The following DBN1 variants were observed in gnomAD, a reference collection of about 807,000 sequenced individuals.
DBN1 encodes drebrin.
DBN1 carries 21 observed loss-of-function variants against 83.5 expected under a neutral mutation model. That is an observed-to-expected ratio of 0.25 (90% confidence interval 0.18 to 0.36). The LOEUF (loss-of-function observed/expected upper bound fraction) is 0.36, where lower values mean the gene tolerates loss of function less well. DBN1 is among the 10% of genes least tolerant of loss of function. The pLI is 1.00. For missense variants in DBN1, 874 were observed against 935.7 expected (o/e 0.93, Z 0.86); for synonymous variants, 381 against 384.9 (o/e 0.99, Z 0.12).
In DBN1 at chr5:177,467,793, G is replaced by A. The variant is rs1408305123; in HGVS notation, c.280C>T (p.Arg94Cys). 1.3e-6 allele frequency: 2 copies of A among 1,558,232 alleles called. No homozygotes were observed. Among genetic ancestry groups the A allele is most frequent in the Non-Finnish European group, 1.7e-6 (2 of 1,151,234 alleles). ...NWVGEDVPDA[R>C]KCACASHVAK... is the part of the protein sequence containing the mutation. ...ACGTGGCTGGCACAAGCGCACTTGC[G>A]GGCATCAGGCACATCTTCGCCCACC... Residue 94 changes from arginine (R) to cysteine (C), a missense_variant, in exon 4 of 15, where the codon CGC (arginine) becomes TGC (cysteine). Coordinates refer to ENST00000393565, the MANE Select transcript of DBN1 (RefSeq NM_001363541.2). This position sits in a 1 kb window ranked among gnomAD's most constrained non-coding sequence, Gnocchi z 9.1.
intron 8 of DBN1, among the ~76,000 whole-genome samples, chr5:177,464,283 T>C (rs1757252551): frequency 6.7e-6 from 1 of 149,846 alleles, no homozygotes; most frequent in Non-Finnish European, 1.5e-5. Flanking sequence ...CTGTCTCTAC[T>C]AAAAATACAA....
chr5:177,458,754 G>A, intron 12 of DBN1, 47 bp from the exon 13 acceptor site: 2 of 1,433,724 alleles, frequency 1.4e-6, no homozygotes, highest in Non-Finnish European at 9.1e-7. Flanking sequence ...TCCCCTCGGG[G>A]AGGATGGAGA....
In DBN1 at chr5:177,467,050, G is replaced by C; in HGVS notation, c.568C>G (p.Leu190Val). Residue 190 changes from leucine to valine, a missense_variant, in exon 7 of 15, where the codon CTG (leucine) becomes GTG (valine). This residue lies in a region of DBN1 where 725 missense variants were observed against 719.7 expected (regional missense o/e 1.01). Coordinates refer to ENST00000393565, the MANE Select transcript of DBN1 (RefSeq NM_001363541.2). The surrounding 1 kb of genome is among the most constrained non-coding windows in gnomAD (Gnocchi z 9.1). ...FWEQAKKEEE[L>V]RKEEERKKAL... ...TTCTTCCGCTCCTCCTCCTTCCGCA[G>C]CTCTTCTTCCTTCTGCAAGCCCCGG... The C allele has an allele frequency of 3.1e-6, 5 of 1,613,808 alleles. No homozygotes were observed. Among genetic ancestry groups the C allele is most frequent in the Non-Finnish European group, 3.4e-6 (4 of 1,179,936 alleles).
In DBN1 at chr5:177,458,434, T is replaced by C. The variant is rs770171587; in HGVS notation, c.1538A>G (p.Asn513Ser). 2 of 1,614,164 alleles carry C rather than the reference T, an allele frequency of 1.2e-6. No homozygotes were observed. The highest frequency in any genetic ancestry group is 1.7e-6 in the Non-Finnish European group (2 of 1,180,000). Residue 513 changes from asparagine (N) to serine (S), a missense_variant, in exon 13 of 15, where the codon AAC (asparagine) becomes AGC (serine). By Grantham distance (46) the Asn-to-Ser change is conservative. Around this residue, in one of 4 missense-constraint regions of DBN1, gnomAD observed 725 missense variants for 719.7 expected, o/e 1.01. Coordinates refer to ENST00000393565, the MANE Select transcript of DBN1 (RefSeq NM_001363541.2). Reference sequence around the variant, plus strand: ...GAGGCTGGTGGCGGCGGGGGGTACGTTGTTGGCAACAGTGGTGTCAGCAGT... The same window carrying C: ...GAGGCTGGTGGCGGCGGGGGGTACGCTGTTGGCAACAGTGGTGTCAGCAGT... ...TATADTTVAN[N>S]VPPAATSLID...
intron 8 of DBN1, among the ~76,000 whole-genome samples, chr5:177,462,954 C>T (rs1342065799): frequency 2.6e-5 from 4 of 152,192 alleles, no homozygotes; most frequent in African/African-American, 2.4e-5. Context: ...GTCCCACCAG[C>T]CTTTGCTGCT....
In DBN1 at chr5:177,467,047, G is replaced by A. The variant is rs201491084; in HGVS notation, c.571C>T (p.Arg191Trp). The change falls in exon 7 of 15, where the codon CGG becomes TGG. Residue 191 changes from arginine to tryptophan, a missense_variant. By Grantham distance (101) the Arg-to-Trp change is moderately radical. This residue lies in a region of DBN1 where 725 missense variants were observed against 719.7 expected (regional missense o/e 1.01). Coordinates refer to ENST00000393565, the MANE Select transcript of DBN1 (RefSeq NM_001363541.2). The surrounding 1 kb of genome is among the most constrained non-coding windows in gnomAD (Gnocchi z 9.1). ...WEQAKKEEEL[R>W]KEEERKKALD... ...GCCTTCTTCCGCTCCTCCTCCTTCC[G>A]CAGCTCTTCTTCCTTCTGCAAGCCC... is the stretch of plus-strand genomic sequence containing the variant. The A allele has an allele frequency of 6.8e-6, 11 of 1,613,718 alleles. No homozygotes were observed. Among genetic ancestry groups the A allele is most frequent in the African/African-American group, 1.3e-5 (1 of 75,020 alleles).
chr5:177,460,785 T>G, intron 8 of DBN1, 82 bp from the exon 9 acceptor site: 1 of 1,434,736 alleles, frequency 7.0e-7, no homozygotes, highest in African/African-American at 1.4e-5. Context: ...TTTTATTTAT[T>G]GATTTTGTTT....
rs1756506870 is a variant in DBN1 at position 177,456,693 on chromosome 5, A to AC, written c.*739_*740insG. ...CTTTCCAAAAAAAAAAAAAAAAAAA[A>AC]AAAAAAAACAGTTACTAAACGTGAA... On this transcript the variant is annotated 3_prime_UTR_variant, in exon 15 of 15. Transcript: ENST00000393565. 12 of 144,662 alleles carry AC rather than the reference A, an allele frequency of 8.3e-5. No homozygotes were observed. Among genetic ancestry groups the AC allele is most frequent in the African/African-American group, 3.5e-4 (12 of 34,632 alleles). 9.0% of individuals were successfully genotyped at this position (144,662 alleles called of 1,614,324 possible). A position where few individuals can be genotyped will look rare whatever the true frequency, so the allele number is the denominator to read the frequency against.
chr5:177,458,374 G>A lies in DBN1; in HGVS notation c.1598C>T (p.Ser533Phe), dbSNP rs541899859. ...GGCCCTGGGCTCACCCTGGAGTGTG[G>A]AGGCCCCTTCCCCGTTGCCAGGCCA... ...DLWPGNGEGA[S>F]TLQGEPRAPT... Residue 533 changes from serine to phenylalanine, a missense_variant, in exon 13 of 15, where the codon TCC (serine) becomes TTC (phenylalanine). Coordinates refer to ENST00000393565, the MANE Select transcript of DBN1 (RefSeq NM_001363541.2). 1 of 1,614,026 alleles carries A rather than the reference G, an allele frequency of 6.2e-7. No homozygotes were observed. Among genetic ancestry groups the A allele is most frequent in the East Asian group, 2.2e-5 (1 of 44,888 alleles).
chr5:177,457,549 TTG>T (rs749198905), intron 14 of DBN1, 46 bp from the exon 15 acceptor site: 4 of 1,584,770 alleles, frequency 2.5e-6, no homozygotes, highest in Non-Finnish European at 2.6e-6. Flanking sequence ...AGCAGACCGC[TTG>T]TGTCCCCAGC....
intron 10 of DBN1, 113 bp from the exon 11 acceptor site, chr5:177,459,853 G>T: frequency 8.1e-7 from 1 of 1,236,532 alleles, no homozygotes; most frequent in Non-Finnish European, 1.1e-6. Flanking sequence ...TGTCCAAGCT[G>T]CCTTCAGCCA....
Position 177,467,716 on chromosome 5 carries a change from C to G in DBN1, c.330+27G>C, listed in dbSNP as rs1187850865. 1 of 1,552,446 alleles carries G rather than the reference C, an allele frequency of 6.4e-7. No individual in the cohort carries two copies. Among genetic ancestry groups the G allele is most frequent in the South Asian group, 1.2e-5 (1 of 84,290 alleles). On this transcript the variant is annotated intron_variant, in intron 4 of 14. Transcript: ENST00000393565. The surrounding 1 kb of genome is among the most constrained non-coding windows in gnomAD (Gnocchi z 9.1). ...CAGACCCTGGTGGCTGTCCCCACCC[C>G]CAAGAGCGCTGGCCCCTGACACGCA...
At chr5:177,465,242 C>T (rs759600241) in intron 8 of DBN1, among the ~76,000 whole-genome samples, 7 of 152,238 alleles carry the variant, frequency 4.6e-5, no homozygotes, top group Non-Finnish European at 8.8e-5. Context: ...GAATATGATT[C>T]AGCCTTCAAA....
In DBN1 at chr5:177,466,151, G is replaced by A. The variant is rs1757429015; in HGVS notation, c.771+621C>T. On this transcript the variant is annotated intron_variant, in intron 8 of 14. Transcript: ENST00000393565. This position sits in a 1 kb window ranked among gnomAD's most constrained non-coding sequence, Gnocchi z 4.8. ...ATCTGCCCATTACAGTCCCAATCCA[G>A]ATGAGTATCAACCCACCTCCCTTCC... is the stretch of plus-strand genomic sequence containing the variant. Among the ~76,000 whole-genome samples, 1 of 152,148 alleles carries A rather than the reference G, an allele frequency of 6.6e-6. No homozygotes were observed.
Position 177,462,261 on chromosome 5 carries a change from C to T in DBN1, c.772-1558G>A, listed in dbSNP as rs1018461036. On this transcript the variant is annotated intron_variant, in intron 8 of 14. Transcript: ENST00000393565. Reference sequence around the variant, plus strand: ...AGATGTAGACATCAAGTCCTCAGCACGACGCAGTCAGTTCCCAGAACAGGC... The same window carrying T: ...AGATGTAGACATCAAGTCCTCAGCATGACGCAGTCAGTTCCCAGAACAGGC... 2.9e-5 allele frequency: 29 copies of T among 985,294 alleles called. 2 individuals are homozygous for T. The highest frequency in any genetic ancestry group is 2.8e-4 in the South Asian group (6 of 21,294). 61.0% of individuals were successfully genotyped at this position (985,294 alleles called of 1,614,324 possible). A position where few individuals can be genotyped will look rare whatever the true frequency, so the allele number is the denominator to read the frequency against.
Position 177,472,343 on chromosome 5 carries a change from C to CT in DBN1, c.86+1092dup, listed in dbSNP as rs935383933. ...TTGCCTCAGTTTCCTCAAGAAGAAC[C>CT]TGTTCCCATCTGCCAGCAGGGAGAG... On this transcript the variant is annotated intron_variant, in intron 1 of 14. Transcript: ENST00000393565. The CT allele has an allele frequency of 2.0e-6, 3 of 1,496,696 alleles. No homozygotes were observed. In the Admixed American group the frequency reaches 7.9e-5, roughly 40 times the overall value. 92.7% of individuals were successfully genotyped at this position (1,496,696 alleles called of 1,614,324 possible).
At chr5:177,464,982 G>A (rs574048856) in intron 8 of DBN1, among the ~76,000 whole-genome samples, 14 of 151,774 alleles carry the variant, frequency 9.2e-5, no homozygotes, top group South Asian at 8.3e-4. Flanking sequence ...GTGAAACCCC[G>A]TCTCTACTAA....
At position 177,459,643 on chromosome 5, in the gene DBN1, G is replaced by A. The variant is rs776200495; in HGVS notation, c.1053C>T (p.Ile351=). Residue 351 remains isoleucine (I), a synonymous_variant, in exon 11 of 15, where the codon ATC becomes ATT. Transcript: ENST00000393565. The part of the protein sequence containing the change: ...SSPPRTPFPY[I]TCHRTPNLSS... ...AGAGGTTTGGGGTGCGGTGGCAGGT[G>A]ATATAGGGAAAGGGAGTCCGTGGAG... The A allele has an allele frequency of 6.3e-7, 1 of 1,582,250 alleles. No homozygotes were observed. The highest frequency in any genetic ancestry group is 1.8e-5 in the Admixed American group (1 of 54,734).
At position 177,456,673 on chromosome 5, in the gene DBN1, C is replaced by CAAAAAAAAA. The variant is rs72166670; in HGVS notation, c.*751_*759dup. 1.5e-5 allele frequency: 1 copy of CAAAAAAAAA among 65,146 alleles called. No homozygotes were observed. Among genetic ancestry groups the CAAAAAAAAA allele is most frequent in the African/African-American group, 8.0e-5 (1 of 12,568 alleles). 4.0% of individuals were successfully genotyped at this position (65,146 alleles called of 1,614,324 possible). A position where few individuals can be genotyped will look rare whatever the true frequency, so the allele number is the denominator to read the frequency against. On this transcript the variant is annotated 3_prime_UTR_variant, in exon 15 of 15. Transcript: ENST00000393565. ...ACCCGTTACAGAAGTTTGTGCTTTC[C>CAAAAAAAAA]AAAAAAAAAAAAAAAAAAAAAAAAA... is the stretch of plus-strand genomic sequence containing the variant.
Sources: gnomAD v4.1 joint callset for allele counts (sites outside exome capture counted in the v4.1 genomes callset) on GRCh38, gnomAD v4.1.1 for gene constraint, gnomAD v4.1.1 regional missense constraint, Gnocchi (gnomAD v3.1) non-coding constraint, MANE v1.5 for transcripts, NCBI Gene and HGNC (gene_info 2026-07-23, HGNC 2026-07-21) for gene names.